Variants in TRAPPC11 observed in about 807,000 individuals in gnomAD.
TRAPPC11 encodes foie gras homolog.
Under a neutral mutation model 151.2 loss-of-function variants are expected in TRAPPC11, and 104 were observed. The ratio of observed to expected loss-of-function variants is 0.69; its 90% CI spans 0.59 to 0.81. The LOEUF is 0.81. Ranked by LOEUF, TRAPPC11 falls within the 30% of genes least tolerant of loss-of-function variation. The probability of loss-of-function intolerance (pLI) is 0.00; values close to 1 mark genes in which losing one functional copy is unlikely to be tolerated. For missense variants in TRAPPC11, 1,230 were observed against 1,349.6 expected, an observed-to-expected ratio of 0.91 and a Z score of 1.39; for synonymous variants, 456 against 472.3, an observed-to-expected ratio of 0.97 and a Z score of 0.45.
chr4:183,685,462 A>G, intron 17 of TRAPPC11, 59 bp downstream of exon 17: 1 of 1,546,132 alleles, frequency 6.5e-7, no homozygotes, highest in Non-Finnish European at 8.9e-7. Flanking sequence ...CTACAAAATG[A>G]ATAGGTGCAG....
chr4:183,670,761 A>G (rs1735113133), intron 5 of TRAPPC11, among the ~76,000 whole-genome samples: 1 of 151,364 alleles, frequency 6.6e-6, no homozygotes, highest in African/African-American at 2.4e-5. Flanking sequence ...ATGCACCACC[A>G]CACCCGGCTA....
chr4:183,697,149 C>T (rs983912524), intron 23 of TRAPPC11, among the ~76,000 whole-genome samples: 2 of 152,048 alleles, frequency 1.3e-5, no homozygotes, highest in African/African-American at 4.8e-5. Context: ...CATAGCAAGA[C>T]CCCATCTCTA....
At chr4:183,692,412 T>C (rs938095135) in intron 19 of TRAPPC11, among the ~76,000 whole-genome samples, 5 of 152,100 alleles carry the variant, frequency 3.3e-5, no homozygotes, top group African/African-American at 1.2e-4. Context: ...AATGCCCTAA[T>C]TGCATATTTT....
At chr4:183,666,126 C>T in intron 2 of TRAPPC11, 131 bp from the exon 3 acceptor site, 1 of 728,490 alleles carries the variant, frequency 1.4e-6, no homozygotes, top group Non-Finnish European at 2.2e-6. Context: ...ATCTGTAAGC[C>T]TGAGTTTCCT....
intron 2 of TRAPPC11, among the ~76,000 whole-genome samples, chr4:183,665,091 C>CTT (rs66913932): frequency 0.029 from 3,107 of 106,314 alleles, 149 homozygotes; most frequent in African/African-American, 0.048. Flanking sequence ...TCTTTTCTTT[C>CTT]TTTTTTTTTT....
rs2111346233 is a variant in TRAPPC11, at chr4:183,679,439, T to G, written c.918T>G (p.Ile306Met). ...RKHIDLCKKKIGSAELSFEHD... is the reference protein window; with the variant it reads ...RKHIDLCKKKMGSAELSFEHD... Reference sequence around the variant, plus strand: ...ACATCGACTTGTGTAAGAAAAAGATTGGAAGTGCAGAGCTGTCTTTTGAGC... The same window carrying G: ...ACATCGACTTGTGTAAGAAAAAGATGGGAAGTGCAGAGCTGTCTTTTGAGC... Residue 306 changes from isoleucine to methionine, a missense_variant, in exon 9 of 30, where the codon ATT becomes ATG. By Grantham distance (10) the Ile-to-Met change is conservative (BLOSUM62 1). Coordinates refer to ENST00000334690, the MANE Select transcript of TRAPPC11 (RefSeq NM_021942.6). The G allele has an allele frequency of 1.9e-6, 3 of 1,613,072 alleles. No homozygotes were observed. Among genetic ancestry groups the G allele is most frequent in the East Asian group, 4.5e-5 (2 of 44,772 alleles).
chr4:183,680,062 G>T, intron 9 of TRAPPC11, 58 bp from the exon 10 acceptor site: 1 of 1,506,292 alleles, frequency 6.6e-7, no homozygotes, highest in Non-Finnish European at 9.1e-7. Flanking sequence ...TGAATTACCA[G>T]AAATAAGCTT....
intron 5 of TRAPPC11, among the ~76,000 whole-genome samples, chr4:183,674,375 G>A (rs6833688): frequency 0.5 from 72,749 of 146,758 alleles, 18,290 homozygotes; most frequent in African/African-American, 0.62. Flanking sequence ...CCAAGATTGC[G>A]TCACTGCACT....
intron 5 of TRAPPC11, among the ~76,000 whole-genome samples, chr4:183,670,895 T>G (rs1300821751): frequency 6.6e-6 from 1 of 152,166 alleles, no homozygotes; most frequent in Non-Finnish European, 1.5e-5. Context: ...AAGTGATTCT[T>G]CTGCCTCAGC....
At chr4:183,694,122 G>T in intron 22 of TRAPPC11, 84 bp downstream of exon 22, 1 of 1,429,266 alleles carries the variant, frequency 7.0e-7, no homozygotes, top group Non-Finnish European at 9.6e-7. Context: ...AGTTCAGAGC[G>T]TTTTAACGCA....
intron 19 of TRAPPC11, among the ~76,000 whole-genome samples, chr4:183,691,973 A>G (rs1410360192): frequency 6.6e-6 from 1 of 152,190 alleles, no homozygotes; most frequent in African/African-American, 2.4e-5. Flanking sequence ...GCCTTTTAGA[A>G]ATATAGGATC....
chr4:183,703,912 A>G (rs1736918914), intron 26 of TRAPPC11, among the ~76,000 whole-genome samples: 1 of 152,204 alleles, frequency 6.6e-6, no homozygotes, highest in Non-Finnish European at 1.5e-5. Context: ...TTAGTTCTTC[A>G]GTTTCTACTG....
At chr4:183,705,761 T>A (rs191947939) in intron 27 of TRAPPC11, among the ~76,000 whole-genome samples, 193 of 152,302 alleles carry the variant, frequency 1.3e-3, no homozygotes, top group Middle Eastern at 6.8e-3. Context: ...CTTGATCAGA[T>A]TCAGGGTCAA....
At chr4:183,686,593 C>G in intron 17 of TRAPPC11, 25 bp from the exon 18 acceptor site, 1 of 1,612,164 alleles carries the variant, frequency 6.2e-7, no homozygotes, top group South Asian at 1.1e-5. Context: ...TTGTGCATAA[C>G]ACAGCCCTTT....
chr4:183,667,498 G>A (rs12054644), intron 4 of TRAPPC11, among the ~76,000 whole-genome samples: 74,838 of 151,878 alleles, frequency 0.49, 19,033 homozygotes, highest in African/African-American at 0.62. Context: ...TCTATTTGAA[G>A]CTGTATTCCT....
At chr4:183,710,166 C>T (rs1211823807) in intron 29 of TRAPPC11, among the ~76,000 whole-genome samples, 1 of 152,172 alleles carries the variant, frequency 6.6e-6, no homozygotes, top group Non-Finnish European at 1.5e-5. Flanking sequence ...TCATTCCTTT[C>T]TCTGGTGCTC....
chr4:183,707,979 C>A lies in TRAPPC11; in HGVS notation c.3190-428C>A, dbSNP rs112225696. ...CAAAGGTAAAATCCTTAAAACAAAA[C>A]AAACTACTAAATAAATTAGAAAGAA... On this transcript the variant is annotated intron_variant, in intron 28 of 29. Transcript: ENST00000334690. Among the ~76,000 whole-genome samples, 925 of 151,850 alleles carry A rather than the reference C, an allele frequency of 6.1e-3. 6 individuals carry two copies. The highest frequency in any genetic ancestry group is 9.3e-3 in the Non-Finnish European group (633 of 67,928).
intron 18 of TRAPPC11, among the ~76,000 whole-genome samples, chr4:183,690,591 T>G (rs371281529): frequency 2.7e-4 from 41 of 152,244 alleles, no homozygotes; most frequent in African/African-American, 9.4e-4. Context: ...TGAGAGATAC[T>G]AGCAACAATG....
chr4:183,671,003 T>G (rs1479388010), intron 5 of TRAPPC11, among the ~76,000 whole-genome samples: 2 of 152,158 alleles, frequency 1.3e-5, no homozygotes, highest in Non-Finnish European at 2.9e-5. Flanking sequence ...GTGCTGGGAT[T>G]ATAGGCGTGA....
Sources: gnomAD v4.1 joint callset for allele counts (sites outside exome capture counted in the v4.1 genomes callset) on GRCh38, gnomAD v4.1.1 for gene constraint, MANE v1.5 for transcripts, NCBI Gene and HGNC (gene_info 2026-07-23, HGNC 2026-07-21) for gene names.